RIMS1: variants seen among roughly 807,000 people sequenced by gnomAD.
The protein encoded by RIMS1 is regulating synaptic membrane exocytosis protein 1.
RIMS1 carries 83 observed loss-of-function variants against 214.1 expected under a neutral mutation model. That is an observed-to-expected ratio of 0.39 (90% CI 0.32 to 0.47). The LOEUF is 0.47. Among genes scored for constraint, RIMS1 ranks in the 20% least tolerant of loss-of-function variants. RIMS1 has a pLI of 0.99. For missense variants in RIMS1, 2,050 were observed against 2,161.8 expected, an observed-to-expected ratio of 0.95 and a Z score of 1.03; for synonymous variants, 793 against 786.8, an observed-to-expected ratio of 1.01 and a Z score of -0.13.
chr6:72,146,292 C>G (rs1354157070), intron 4 of RIMS1, among the ~76,000 whole-genome samples: 4 of 152,296 alleles, frequency 2.6e-5, no homozygotes, highest in Non-Finnish European at 4.4e-5. Flanking sequence ...GTGTCTTTCC[C>G]TTCTTTCTTC....
chr6:71,937,633 T>C (rs955628842), intron 1 of RIMS1, among the ~76,000 whole-genome samples: 4 of 151,960 alleles, frequency 2.6e-5, no homozygotes, highest in Non-Finnish European at 5.9e-5. Context: ...AGGCATCACA[T>C]GGTGAGAGAG....
chr6:72,184,855 T>C (rs1246764893), intron 6 of RIMS1, among the ~76,000 whole-genome samples: 1 of 152,156 alleles, frequency 6.6e-6, no homozygotes, highest in Non-Finnish European at 1.5e-5. Context: ...CTAGCTCTAC[T>C]GTTTTGTGCA....
intron 28 of RIMS1, among the ~76,000 whole-genome samples, chr6:72,314,351 C>A (rs997003908): frequency 6.6e-6 from 1 of 152,078 alleles, no homozygotes; most frequent in African/African-American, 2.4e-5. Context: ...AAATTTATTA[C>A]AATTTAAGGA....
rs1340040382 is a variant in RIMS1, at chr6:72,390,631, A to G, written c.4400A>G (p.Gln1467Arg). The G allele has an allele frequency of 5.6e-6, 9 of 1,613,850 alleles. No homozygotes were observed. In the East Asian group the frequency reaches 1.6e-4, roughly 28 times the overall value. ...CACAAAAAGTTAAAAAGTACCATCC[A>G]GAGAAGCACAGAAACAGGCATGGCA... ...SGHKKLKSTI[Q>R]RSTETGMAAE... Residue 1467 changes from glutamine (Q) to arginine (R), a missense_variant, in exon 30 of 34, where the codon CAG becomes CGG. By Grantham distance (43) the Gln-to-Arg change is conservative. Coordinates refer to ENST00000521978, the MANE Select transcript of RIMS1 (RefSeq NM_014989.7).
At chr6:72,013,727 A>T (rs1811693955) in intron 2 of RIMS1, among the ~76,000 whole-genome samples, 1 of 152,164 alleles carries the variant, frequency 6.6e-6, no homozygotes, top group South Asian at 2.1e-4. Context: ...ATCTTTACTG[A>T]TATATAATCT....
chr6:72,248,796 G>T (rs1379817548), intron 12 of RIMS1, among the ~76,000 whole-genome samples: 1 of 151,618 alleles, frequency 6.6e-6, no homozygotes, highest in Admixed American at 6.6e-5. Context: ...TCTGTGGTTT[G>T]CCTTTGTGGT....
In RIMS1 at chr6:72,241,055, A is replaced by T. The variant is rs2066677629; in HGVS notation, c.1958-1259A>T. On this transcript the variant is annotated intron_variant, in intron 9 of 33. Coordinates refer to ENST00000521978, the MANE Select transcript of RIMS1 (RefSeq NM_014989.7). ...GGTGATTACCATAGTATTTTACCAA[A>T]CCAAAGCAGCATCATGTACTTTTTG... is the stretch of plus-strand genomic sequence containing the variant. Among the ~76,000 whole-genome samples the T allele has an allele frequency of 2.6e-5, 4 of 152,286 alleles. No homozygotes were observed. In the South Asian group the frequency reaches 6.2e-4, roughly 24 times the overall value.
intron 6 of RIMS1, among the ~76,000 whole-genome samples, chr6:72,219,514 G>T (rs927447621): frequency 7.2e-5 from 11 of 152,028 alleles, no homozygotes; most frequent in Non-Finnish European, 5.9e-5. Flanking sequence ...GAATATCTGG[G>T]AAATAAATTC....
chr6:72,351,220 GT>G (rs2097435963), intron 29 of RIMS1, among the ~76,000 whole-genome samples: 1 of 151,182 alleles, frequency 6.6e-6, no homozygotes, highest in Non-Finnish European at 1.5e-5. Flanking sequence ...CATTAGCTCT[GT>G]TTTAAGCTTT....
At chr6:72,398,151 A>G in intron 31 of RIMS1, 98 bp from the exon 32 acceptor site, 1 of 661,898 alleles carries the variant, frequency 1.5e-6, no homozygotes, top group South Asian at 2.0e-5. Flanking sequence ...AAAATCATGA[A>G]GATAAAAATC....
chr6:71,911,287 G>C (rs1445509616), intron 1 of RIMS1, among the ~76,000 whole-genome samples: 1 of 152,112 alleles, frequency 6.6e-6, no homozygotes, highest in Non-Finnish European at 1.5e-5. Context: ...GTTCATCTGT[G>C]GATGAGAGCC....
intron 6 of RIMS1, among the ~76,000 whole-genome samples, chr6:72,200,430 C>G (rs1406598288): frequency 6.6e-6 from 1 of 152,180 alleles, no homozygotes; most frequent in East Asian, 1.9e-4. Context: ...AACACACTTT[C>G]AGAGACCTCT....
chr6:72,294,700 G>T (rs1260284441), intron 26 of RIMS1, among the ~76,000 whole-genome samples: 1 of 151,614 alleles, frequency 6.6e-6, no homozygotes, highest in Non-Finnish European at 1.5e-5. Context: ...CATAAAGGCA[G>T]TATCTCTTAA....
At chr6:72,312,480 C>T (rs56026492) in intron 27 of RIMS1, among the ~76,000 whole-genome samples, 12,489 of 151,888 alleles carry the variant, frequency 0.082, 718 homozygotes, top group Non-Finnish European at 0.13. Context: ...CACAATAAGA[C>T]AGTGAAGTAG....
At chr6:72,142,877 A>C (rs570000935) in intron 4 of RIMS1, among the ~76,000 whole-genome samples, 1 of 152,316 alleles carries the variant, frequency 6.6e-6, no homozygotes, top group South Asian at 2.1e-4. Context: ...ATAACAATTT[A>C]ACCTAGTATA....
chr6:72,233,753 A>G lies in RIMS1; in HGVS notation c.1679-20A>G, dbSNP rs1167971256. ...TCTCTTTAATACCATTACACTTTTC[A>G]TTCTTTTTGTATTGCACAGGTGATT... On this transcript the variant is annotated intron_variant, in intron 6 of 33. Transcript: ENST00000521978. 1.9e-6 allele frequency: 3 copies of G among 1,539,628 alleles called. No homozygotes were observed. Among genetic ancestry groups the G allele is most frequent in the Non-Finnish European group, 2.6e-6 (3 of 1,132,900 alleles).
chr6:72,285,865 T>C (rs2092126580), intron 24 of RIMS1, among the ~76,000 whole-genome samples: 6 of 152,224 alleles, frequency 3.9e-5, no homozygotes, highest in Admixed American at 3.9e-4. Context: ...AGTTGTATTC[T>C]TTTAATTCTA....
chr6:72,209,752 T>A (rs1442379793), intron 6 of RIMS1, among the ~76,000 whole-genome samples: 1 of 151,754 alleles, frequency 6.6e-6, no homozygotes, highest in East Asian at 1.9e-4. Flanking sequence ...ATACAAAAAA[T>A]TAGCTGGATG....
chr6:72,175,809 T>G (rs1286252804), intron 4 of RIMS1, among the ~76,000 whole-genome samples: 1 of 152,214 alleles, frequency 6.6e-6, no homozygotes, highest in East Asian at 1.9e-4. Flanking sequence ...TTCTTCCACT[T>G]GAATACCTTT....
Sources: gnomAD v4.1 joint callset for allele counts (sites outside exome capture counted in the v4.1 genomes callset) on GRCh38, gnomAD v4.1.1 for gene constraint, MANE v1.5 for transcripts, NCBI Gene and HGNC (gene_info 2026-07-23, HGNC 2026-07-21) for gene names.